The following EPHA3 variants were observed in gnomAD, a reference collection of about 807,000 sequenced individuals.
EPHA3 encodes EPH receptor A3.
Under a neutral mutation model 107.1 loss-of-function variants are expected in EPHA3, and 42 were observed. The ratio of observed to expected loss-of-function variants is 0.39; its 90% CI spans 0.31 to 0.51. The LOEUF is 0.51. Among genes scored for constraint, EPHA3 ranks in the 20% least tolerant of loss-of-function variants. The pLI, the probability that EPHA3 is intolerant of heterozygous loss-of-function variation, is 0.78. For synonymous variants in EPHA3, 461 were observed against 424.8 expected (o/e 1.09, Z -1.05); for missense variants, 1,183 against 1,211.2 (o/e 0.98, Z 0.35).
intron 3 of EPHA3, among the ~76,000 whole-genome samples, chr3:89,310,620 C>A (rs534548169): frequency 5.9e-5 from 9 of 151,728 alleles, no homozygotes; most frequent in African/African-American, 2.2e-4. Flanking sequence ...GTAAGTCTAA[C>A]AGAATATAGA....
intron 3 of EPHA3, among the ~76,000 whole-genome samples, chr3:89,319,476 G>C (rs1254635247): frequency 6.6e-6 from 1 of 151,960 alleles, no homozygotes; most frequent in Non-Finnish European, 1.5e-5. Context: ...GCCCCGAAGA[G>C]AGCTAATGAC....
chr3:89,414,053 C>G (rs1481751359), intron 10 of EPHA3, among the ~76,000 whole-genome samples: 1 of 151,608 alleles, frequency 6.6e-6, no homozygotes, highest in African/African-American at 2.4e-5. Context: ...TTCAATGTCA[C>G]TCCCCAAAGC....
At chr3:89,262,624 C>T (rs997022441) in intron 3 of EPHA3, among the ~76,000 whole-genome samples, 2 of 152,226 alleles carry the variant, frequency 1.3e-5, no homozygotes, top group Non-Finnish European at 2.9e-5. Flanking sequence ...CACGGTATTT[C>T]CCCGACCCGG....
Position 89,218,138 on chromosome 3 carries a change from A to ATTG in EPHA3, c.814+7620_814+7621insGTT, listed in dbSNP as rs1435955010. Among the ~76,000 whole-genome samples the ATTG allele has an allele frequency of 2.0e-5, 3 of 151,934 alleles. No homozygotes were observed. The East Asian group carries it at 5.8e-4, about 30-fold the overall frequency. ...GCTGTAAAGCATCTTGGATTTTATT[A>ATTG]TTATTATTATTATTATTATGCTTTA... On this transcript the variant is annotated intron_variant, in intron 3 of 16. Coordinates refer to ENST00000336596, the MANE Select transcript of EPHA3 (RefSeq NM_005233.6).
intron 3 of EPHA3, among the ~76,000 whole-genome samples, chr3:89,258,699 TATA>T (rs1441091479): frequency 1.3e-5 from 2 of 152,194 alleles, no homozygotes; most frequent in African/African-American, 4.8e-5. Flanking sequence ...ATACATTACA[TATA>T]ATATAGCAGA....
intron 2 of EPHA3, among the ~76,000 whole-genome samples, chr3:89,149,329 C>T (rs1704638850): frequency 6.6e-6 from 1 of 151,894 alleles, no homozygotes; most frequent in South Asian, 2.1e-4. Context: ...ATTTTATAAT[C>T]TCAGTCATCT....
intron 16 of EPHA3, among the ~76,000 whole-genome samples, chr3:89,479,131 G>A (rs889897752): frequency 2.0e-5 from 3 of 151,298 alleles, no homozygotes; most frequent in African/African-American, 4.9e-5. Context: ...AATTACATCT[G>A]CAGTGACCCT....
intron 15 of EPHA3, among the ~76,000 whole-genome samples, chr3:89,468,028 G>A (rs1045475498): frequency 6.6e-6 from 1 of 152,078 alleles, no homozygotes; most frequent in Non-Finnish European, 1.5e-5. Flanking sequence ...AAACGCCAAT[G>A]CCTGCAGCTG....
At chr3:89,369,862 T>G (rs1294689162) in intron 5 of EPHA3, among the ~76,000 whole-genome samples, 10 of 150,438 alleles carry the variant, frequency 6.6e-5, no homozygotes, top group African/African-American at 2.5e-4. Context: ...GAACAGACAC[T>G]TCTCAAAAGA....
chr3:89,232,187 A>G (rs1385040224), intron 3 of EPHA3, among the ~76,000 whole-genome samples: 3 of 152,118 alleles, frequency 2.0e-5, no homozygotes, highest in Non-Finnish European at 2.9e-5. Flanking sequence ...AAAATAACAC[A>G]TATTTCCATT....
At position 89,193,215 on chromosome 3, in the gene EPHA3, G is replaced by A. The variant is rs145823875; in HGVS notation, c.154-16645G>A. On this transcript the variant is annotated intron_variant, in intron 2 of 16. Transcript: ENST00000336596. ...TGCCACCCAAAAAAATGGTTAATCT[G>A]TGAATAAAGACAACAAGATCTTTGT... Among the ~76,000 whole-genome samples, 786 of 152,126 alleles carry A rather than the reference G, an allele frequency of 5.2e-3. 12 individuals carry two copies. Among genetic ancestry groups the A allele is most frequent in the African/African-American group, 0.018 (731 of 41,532 alleles).
chr3:89,471,760 T>A (rs1339514786), intron 15 of EPHA3, among the ~76,000 whole-genome samples: 1 of 151,912 alleles, frequency 6.6e-6, no homozygotes, highest in African/African-American at 2.4e-5. Flanking sequence ...TGTGTATATA[T>A]ATAAAATATT....
chr3:89,224,293 G>C (rs767490433), intron 3 of EPHA3, among the ~76,000 whole-genome samples: 8 of 152,092 alleles, frequency 5.3e-5, no homozygotes, highest in Admixed American at 5.2e-4. Context: ...GTGATCATGC[G>C]GTTGACTAAA....
At chr3:89,188,715 G>T (rs1161353516) in intron 2 of EPHA3, among the ~76,000 whole-genome samples, 1 of 151,988 alleles carries the variant, frequency 6.6e-6, no homozygotes, top group Non-Finnish European at 1.5e-5. Context: ...CACCAAACCT[G>T]CTCCTTCTTC....
At chr3:89,365,832 T>G (rs1405541438) in intron 5 of EPHA3, among the ~76,000 whole-genome samples, 5 of 150,746 alleles carry the variant, frequency 3.3e-5, no homozygotes, top group African/African-American at 1.2e-4. Flanking sequence ...CTGCAGAGCC[T>G]GCCATGCAAT....
chr3:89,393,390 C>T (rs1483149810), intron 5 of EPHA3, among the ~76,000 whole-genome samples: 1 of 152,142 alleles, frequency 6.6e-6, no homozygotes, highest in Non-Finnish European at 1.5e-5. Context: ...ACAAAGCTTT[C>T]ATGAAAAAGT....
At chr3:89,414,026 G>A (rs950569649) in intron 10 of EPHA3, among the ~76,000 whole-genome samples, 9 of 151,512 alleles carry the variant, frequency 5.9e-5, no homozygotes, top group Non-Finnish European at 1.2e-4. Flanking sequence ...AAAAAATTTT[G>A]TACCATCATC....
intron 5 of EPHA3, among the ~76,000 whole-genome samples, chr3:89,395,464 A>G (rs1708829911): frequency 6.6e-6 from 1 of 152,230 alleles, no homozygotes; most frequent in South Asian, 2.1e-4. Flanking sequence ...ATAACTTTGC[A>G]ACATTATAAC....
chr3:89,453,601 G>A (rs1450017295), intron 15 of EPHA3, among the ~76,000 whole-genome samples: 1 of 152,188 alleles, frequency 6.6e-6, no homozygotes, highest in South Asian at 2.1e-4. Context: ...TAAAATGCAC[G>A]ATGGGTTAGA....
Sources: gnomAD v4.1 joint callset for allele counts (sites outside exome capture counted in the v4.1 genomes callset) on GRCh38, gnomAD v4.1.1 for gene constraint, MANE v1.5 for transcripts, NCBI Gene and HGNC (gene_info 2026-07-23, HGNC 2026-07-21) for gene names.